Variants in KCNK13 observed in about 807,000 individuals in gnomAD.
KCNK13 encodes potassium two pore domain channel subfamily K member 13.
KCNK13 carries 12 observed loss-of-function variants against 23.4 expected under a neutral mutation model. That is an observed-to-expected ratio of 0.51 (90% CI 0.33 to 0.83). KCNK13 has a LOEUF of 0.83. KCNK13 is among the 40% of genes least tolerant of loss of function. The pLI is 0.02. For synonymous variants in KCNK13, 231 were observed against 229.5 expected (o/e 1.01, Z -0.06); for missense variants, 463 against 556.3 (o/e 0.83, Z 1.69).
chr14:90,069,127 C>T (rs1889044394), intron 1 of KCNK13, among the ~76,000 whole-genome samples: 1 of 147,746 alleles, frequency 6.8e-6, no homozygotes, highest in South Asian at 2.2e-4. Flanking sequence ...ACCTCTGCCT[C>T]CCGGGTTCAA....
chr14:90,144,229 A>G lies in KCNK13; in HGVS notation c.335-39882A>G, dbSNP rs139630093. On this transcript the variant is annotated intron_variant, in intron 1 of 1. Coordinates refer to ENST00000282146, the MANE Select transcript of KCNK13 (RefSeq NM_022054.4). ...ATTTAGGTCTTTTTAAGTTTCTCTCAGTAATGTTTTGTAGTTTTCAGTGTA... is the reference window on the plus strand; with the variant it reads ...ATTTAGGTCTTTTTAAGTTTCTCTCGGTAATGTTTTGTAGTTTTCAGTGTA... 5.9e-5 allele frequency among the ~76,000 whole-genome samples: 9 copies of G among 152,294 alleles called. No homozygotes were observed. In the East Asian group the frequency reaches 1.7e-3, roughly 29 times the overall value.
chr14:90,062,166 C>A lies in KCNK13; in HGVS notation c.-40C>A. ...GTGTGGGCGAGACTCCGCCGACGCCCGGTGCCGTGGGCCTGGGGGCTGCCC... is the reference window on the plus strand; with the variant it reads ...GTGTGGGCGAGACTCCGCCGACGCCAGGTGCCGTGGGCCTGGGGGCTGCCC... On this transcript the variant is annotated 5_prime_UTR_variant, in exon 1 of 2. Transcript: ENST00000282146. The surrounding 1 kb of genome is among the most constrained non-coding windows in gnomAD (Gnocchi z 4.5). The A allele has an allele frequency of 7.9e-7, 1 of 1,269,732 alleles. No homozygotes were observed. Among genetic ancestry groups the A allele is most frequent in the Non-Finnish European group, 1.0e-6 (1 of 986,890 alleles). 78.7% of individuals were successfully genotyped at this position (1,269,732 alleles called of 1,614,324 possible).
intron 1 of KCNK13, among the ~76,000 whole-genome samples, chr14:90,081,083 C>T (rs911534555): frequency 5.3e-5 from 8 of 152,166 alleles, no homozygotes; most frequent in East Asian, 1.9e-4. Context: ...TCAGGCACTG[C>T]GAAGGGCTCA....
chr14:90,169,641 C>A (rs6575109), intron 1 of KCNK13, among the ~76,000 whole-genome samples: 1 of 152,058 alleles, frequency 6.6e-6, no homozygotes, highest in African/African-American at 2.4e-5. Context: ...TATCTGCAGA[C>A]GGGCTCTCAG....
At chr14:90,070,374 TTA>T (rs1323967422) in intron 1 of KCNK13, among the ~76,000 whole-genome samples, 1 of 152,236 alleles carries the variant, frequency 6.6e-6, no homozygotes, top group Non-Finnish European at 1.5e-5. Context: ...TAAAAAATAC[TTA>T]CAGTTCATCT....
At chr14:90,179,609 C>T (rs1890462789) in intron 1 of KCNK13, among the ~76,000 whole-genome samples, 1 of 152,308 alleles carries the variant, frequency 6.6e-6, no homozygotes, top group Admixed American at 6.5e-5. Flanking sequence ...TCACTGGCCT[C>T]CAAGCCAATC....
intron 1 of KCNK13, among the ~76,000 whole-genome samples, chr14:90,172,777 G>A (rs1890379508): frequency 6.6e-6 from 1 of 152,174 alleles, no homozygotes; most frequent in African/African-American, 2.4e-5. Context: ...ATTCTAAAGA[G>A]GTTACTATTA....
intron 1 of KCNK13, among the ~76,000 whole-genome samples, chr14:90,094,752 A>G (rs11620927): frequency 1.4e-5 from 2 of 139,346 alleles, no homozygotes; most frequent in African/African-American, 5.5e-5. Context: ...GGTTCACGCC[A>G]TTCTCCTTCC....
At chr14:90,160,991 T>G (rs1890247164) in intron 1 of KCNK13, among the ~76,000 whole-genome samples, 1 of 152,174 alleles carries the variant, frequency 6.6e-6, no homozygotes. Flanking sequence ...AACAGATATT[T>G]TCACACCCCT....
At chr14:90,130,987 A>G (rs1395858270) in intron 1 of KCNK13, among the ~76,000 whole-genome samples, 1 of 152,104 alleles carries the variant, frequency 6.6e-6, no homozygotes, top group Non-Finnish European at 1.5e-5. Flanking sequence ...GAGAGGGCAC[A>G]AGGTGCTTGG....
At chr14:90,110,204 C>A in intron 1 of KCNK13, among the ~76,000 whole-genome samples, 1 of 152,138 alleles carries the variant, frequency 6.6e-6, no homozygotes, top group East Asian at 1.9e-4. Context: ...TGCAGATTAC[C>A]AGCAAGACCG....
chr14:90,075,719 G>T (rs930253561), intron 1 of KCNK13, among the ~76,000 whole-genome samples: 7 of 152,136 alleles, frequency 4.6e-5, no homozygotes, highest in Non-Finnish European at 1.0e-4. Flanking sequence ...GACCTCAGGT[G>T]ATCTGCCCAC....
chr14:90,118,112 A>G lies in KCNK13; in HGVS notation c.334+55573A>G, dbSNP rs77602614. ...AGTGCCTCCCCAAATAATAGTGAAA[A>G]CAGGGCTTTTATTGGGCTGGTAGCT... On this transcript the variant is annotated intron_variant, in intron 1 of 1. Coordinates refer to ENST00000282146, the MANE Select transcript of KCNK13 (RefSeq NM_022054.4). 7.3e-3 allele frequency among the ~76,000 whole-genome samples: 1,114 copies of G among 152,320 alleles called. 12 individuals are homozygous for G. The highest frequency in any genetic ancestry group is 0.026 in the African/African-American group (1,085 of 41,576).
intron 1 of KCNK13, among the ~76,000 whole-genome samples, chr14:90,178,695 GA>G (rs1245906726): frequency 6.6e-6 from 1 of 151,910 alleles, no homozygotes; most frequent in Non-Finnish European, 1.5e-5. Flanking sequence ...AATAAAAACA[GA>G]AAAAAAGTGT....
chr14:90,152,254 C>T (rs1042087092), intron 1 of KCNK13, among the ~76,000 whole-genome samples: 10 of 152,250 alleles, frequency 6.6e-5, no homozygotes, highest in South Asian at 2.1e-4. Context: ...CATGCCTTTG[C>T]GGCCGGTGCA....
chr14:90,117,792 C>A (rs1256420326), intron 1 of KCNK13, among the ~76,000 whole-genome samples: 1 of 152,056 alleles, frequency 6.6e-6, no homozygotes, highest in African/African-American at 2.4e-5. Context: ...TTTTATTGCC[C>A]CCAGTGAAAA....
intron 1 of KCNK13, among the ~76,000 whole-genome samples, chr14:90,109,176 C>CAAA (rs200541882): frequency 1.5e-5 from 2 of 131,288 alleles, no homozygotes; most frequent in South Asian, 2.4e-4. Context: ...GACTCCGTCT[C>CAAA]AAAAAAAAAA....
chr14:90,073,013 C>T (rs979176144), intron 1 of KCNK13, among the ~76,000 whole-genome samples: 50 of 152,160 alleles, frequency 3.3e-4, no homozygotes, highest in African/African-American at 1.2e-3. Context: ...GCTCCAAGAG[C>T]TTCTGTGCTC....
At chr14:90,073,337 A>AAAG (rs1889098796) in intron 1 of KCNK13, among the ~76,000 whole-genome samples, 1 of 152,170 alleles carries the variant, frequency 6.6e-6, no homozygotes, top group Non-Finnish European at 1.5e-5. Flanking sequence ...TCTGCCTCCC[A>AAAG]CCGGCAGTCC....
Sources: allele counts gnomAD v4.1 joint callset (sites outside exome capture counted in the v4.1 genomes callset), GRCh38; gene constraint gnomAD v4.1.1; non-coding constraint Gnocchi (gnomAD v3.1); transcripts MANE v1.5; gene names NCBI Gene and HGNC (gene_info 2026-07-23, HGNC 2026-07-21).